Variants in TRIM44 observed in about 807,000 individuals in gnomAD.
TRIM44 encodes the protein tripartite motif containing 44, also known as tripartite motif-containing protein 44.
TRIM44 carries 13 observed loss-of-function variants against 37.4 expected under a neutral mutation model. The ratio of observed to expected loss-of-function variants is 0.35; its 90% confidence interval spans 0.23 to 0.55. The LOEUF (loss-of-function observed/expected upper bound fraction) is 0.55, where lower values mean the gene tolerates loss of function less well. Among genes scored for constraint, TRIM44 ranks in the 20% least tolerant of loss-of-function variants. The probability of loss-of-function intolerance (pLI) is 0.89; values close to 1 mark genes in which losing one functional copy is unlikely to be tolerated. For synonymous variants in TRIM44, 175 were observed against 157.2 expected (o/e 1.11, Z -0.85); for missense variants, 426 against 437.2 (o/e 0.97, Z 0.23).
intron 4 of TRIM44, among the ~76,000 whole-genome samples, chr11:35,795,012 A>G (rs977299144): frequency 1.3e-5 from 2 of 152,226 alleles, no homozygotes; most frequent in Non-Finnish European, 2.9e-5. Flanking sequence ...ATCTGAAAAG[A>G]TGATATTGGA....
intron 2 of TRIM44, among the ~76,000 whole-genome samples, chr11:35,723,649 C>G (rs1421943461): frequency 6.6e-6 from 1 of 152,180 alleles, no homozygotes; most frequent in Non-Finnish European, 1.5e-5. Context: ...ACTCATTCAC[C>G]TGCTGCAGTC....
chr11:35,806,276 A>C, intron 4 of TRIM44, 82 bp from the exon 5 acceptor site: 1 of 1,480,792 alleles, frequency 6.8e-7, no homozygotes, highest in South Asian at 1.1e-5. Context: ...TCTGACATAA[A>C]GTCTGTGCTA....
chr11:35,773,569 C>T (rs1435380658), intron 4 of TRIM44, among the ~76,000 whole-genome samples: 1 of 151,888 alleles, frequency 6.6e-6, no homozygotes, highest in Non-Finnish European at 1.5e-5. Context: ...TGTGCTGCAC[C>T]CATTAACTCG....
chr11:35,782,269 A>C (rs76939603), intron 4 of TRIM44, among the ~76,000 whole-genome samples: 69 of 152,302 alleles, frequency 4.5e-4, no homozygotes, highest in African/African-American at 1.6e-3. Context: ...TCAGTCTTAA[A>C]GGACATATAT....
chr11:35,801,717 A>G (rs1208970292), intron 4 of TRIM44, among the ~76,000 whole-genome samples: 1 of 152,212 alleles, frequency 6.6e-6, no homozygotes, highest in Non-Finnish European at 1.5e-5. Flanking sequence ...AGTAAGCCCA[A>G]CTCAGAGAAG....
intron 2 of TRIM44, among the ~76,000 whole-genome samples, chr11:35,697,715 G>T (rs1005472544): frequency 6.6e-6 from 1 of 151,398 alleles, no homozygotes; most frequent in Non-Finnish European, 1.5e-5. Flanking sequence ...TTGGTTTTTT[G>T]TCCTTGTGAT....
rs1853513937 is a variant in TRIM44 at position 35,810,362 on chromosome 11, T to TC, written c.*3978dup. 1 of 152,136 alleles carries TC rather than the reference T, an allele frequency of 6.6e-6. No homozygotes were observed. The highest frequency in any genetic ancestry group is 6.5e-5 in the Admixed American group (1 of 15,270). 9.4% of individuals were successfully genotyped at this position (152,136 alleles called of 1,614,324 possible). A position where few individuals can be genotyped will look rare whatever the true frequency, so the allele number is the denominator to read the frequency against. On this transcript the variant is annotated 3_prime_UTR_variant, in exon 5 of 5. Coordinates refer to ENST00000299413, the MANE Select transcript of TRIM44 (RefSeq NM_017583.6). ...TAACTGCACGTTTACTGTGTGCTGA[T>TC]CACATCAGATTTTTATGTTTAAAAA...
intron 2 of TRIM44, among the ~76,000 whole-genome samples, chr11:35,723,089 C>G (rs1852128619): frequency 6.6e-6 from 1 of 151,848 alleles, no homozygotes; most frequent in Non-Finnish European, 1.5e-5. Flanking sequence ...CCTCGTCTCT[C>G]TCTCTCTTTC....
rs1387916159 is a variant in TRIM44 at position 35,815,504 on chromosome 11, A to T, written c.*9119A>T. 1 of 152,044 alleles carries T rather than the reference A, an allele frequency of 6.6e-6. No homozygotes were observed. Among genetic ancestry groups the T allele is most frequent in the African/African-American group, 2.4e-5 (1 of 41,394 alleles). 9.4% of individuals were successfully genotyped at this position (152,044 alleles called of 1,614,324 possible). ...ACAATAAAAATGGGTATTTCTCAAC[A>T]CTCAAGCCAATTTCCCATTTGATAA... is the stretch of plus-strand genomic sequence containing the variant. On this transcript the variant is annotated 3_prime_UTR_variant, in exon 5 of 5. Coordinates refer to ENST00000299413, the MANE Select transcript of TRIM44 (RefSeq NM_017583.6).
intron 4 of TRIM44, among the ~76,000 whole-genome samples, chr11:35,800,980 C>A (rs1386807643): frequency 6.6e-6 from 1 of 152,178 alleles, no homozygotes; most frequent in Non-Finnish European, 1.5e-5. Flanking sequence ...AGACCAAGGA[C>A]ATTTTACTTT....
At chr11:35,762,139 G>A (rs1008642290) in intron 4 of TRIM44, among the ~76,000 whole-genome samples, 5 of 152,160 alleles carry the variant, frequency 3.3e-5, no homozygotes, top group African/African-American at 4.8e-5. Context: ...GCTGCTCTCT[G>A]GAAAAGCAGG....
intron 3 of TRIM44, 84 bp from the exon 4 acceptor site, chr11:35,735,342 G>C (rs1327860547): frequency 7.2e-7 from 1 of 1,389,096 alleles, no homozygotes; most frequent in Non-Finnish European, 1.0e-6. Flanking sequence ...TTCAGGTTGG[G>C]AGAGGGGAGG....
At position 35,806,711 on chromosome 11, in the gene TRIM44, C is replaced by CCAAA. The variant is rs1190111666; in HGVS notation, c.*329_*332dup. ...AGCCAGCCCCCATAATATTGTATTA[C>CCAAA]CAAACAGTATCGCTTTGTTAGGAAG... On this transcript the variant is annotated 3_prime_UTR_variant, in exon 5 of 5. Coordinates refer to ENST00000299413, the MANE Select transcript of TRIM44 (RefSeq NM_017583.6). The CCAAA allele has an allele frequency of 2.0e-4, 56 of 284,682 alleles. No homozygotes were observed. The highest frequency in any genetic ancestry group is 1.1e-3 in the African/African-American group (49 of 46,066). The allele number at this position is 284,682 out of a possible 1,614,324, so 17.6% of individuals were successfully genotyped here.
chr11:35,807,433 C>A lies in TRIM44; in HGVS notation c.*1048C>A, dbSNP rs947642836. 4 of 152,206 alleles carry A rather than the reference C, an allele frequency of 2.6e-5. No individual in the cohort carries two copies. The highest frequency in any genetic ancestry group is 2.0e-4 in the Admixed American group (3 of 15,272). The allele number at this position is 152,206 out of a possible 1,614,324, so 9.4% of individuals were successfully genotyped here. On this transcript the variant is annotated 3_prime_UTR_variant, in exon 5 of 5. Transcript: ENST00000299413. ...TCCTGTGGCACTCCCCACCCATAGA[C>A]CTTCAGATCATCTCCCACACCCTGG...
intron 4 of TRIM44, among the ~76,000 whole-genome samples, chr11:35,800,591 TC>T (rs1484569293): frequency 1.3e-5 from 2 of 152,124 alleles, no homozygotes; most frequent in Non-Finnish European, 2.9e-5. Flanking sequence ...TTCTCCAACT[TC>T]CCACTCGACC....
At chr11:35,797,371 A>G (rs1385778201) in intron 4 of TRIM44, among the ~76,000 whole-genome samples, 2 of 152,234 alleles carry the variant, frequency 1.3e-5, no homozygotes, top group Admixed American at 6.5e-5. Context: ...CACATAATGT[A>G]TGTAGATATT....
At chr11:35,760,665 T>G (rs113822594) in intron 4 of TRIM44, among the ~76,000 whole-genome samples, 4,079 of 152,300 alleles carry the variant, frequency 0.027, 139 homozygotes, top group African/African-American at 0.077. Flanking sequence ...AATTAATTTA[T>G]TTTTTAGATT....
intron 4 of TRIM44, among the ~76,000 whole-genome samples, chr11:35,789,508 G>A (rs556259755): frequency 6.6e-6 from 1 of 152,292 alleles, no homozygotes; most frequent in East Asian, 1.9e-4. Context: ...TCACAAGTGA[G>A]GAAACTGGGA....
chr11:35,785,206 T>C (rs1019353035), intron 4 of TRIM44, among the ~76,000 whole-genome samples: 1 of 152,202 alleles, frequency 6.6e-6, no homozygotes, highest in African/African-American at 2.4e-5. Flanking sequence ...TTTTGCAGAT[T>C]CAAATAGCAG....
Sources: allele counts gnomAD v4.1 joint callset (sites outside exome capture counted in the v4.1 genomes callset), GRCh38; gene constraint gnomAD v4.1.1; transcripts MANE v1.5; gene names NCBI Gene and HGNC (gene_info 2026-07-23, HGNC 2026-07-21).